SLCO3A1: variants seen among roughly 807,000 people sequenced by gnomAD.
SLCO3A1 encodes the protein PGE1 transporter.
Under a neutral mutation model 63.1 loss-of-function variants are expected in SLCO3A1, and 27 were observed. That is an observed-to-expected ratio of 0.43 (90% CI 0.32 to 0.59). The LOEUF is 0.59. Among genes scored for constraint, SLCO3A1 ranks in the 20% least tolerant of loss-of-function variants. The pLI, the probability that SLCO3A1 is intolerant of heterozygous loss-of-function variation, is 0.09. For synonymous variants in SLCO3A1, 473 were observed against 409.9 expected (o/e 1.15, Z -1.86); for missense variants, 773 against 945.8 (o/e 0.82, Z 2.40).
rs1016049327 is a variant in SLCO3A1 at position 91,875,675 on chromosome 15, C to T, written c.180+21587C>T. Among the ~76,000 whole-genome samples, 2 of 152,124 alleles carry T rather than the reference C, an allele frequency of 1.3e-5. 1 individual carries two copies. Among genetic ancestry groups the T allele is most frequent in the South Asian group, 4.1e-4 (2 of 4,830 alleles). On this transcript the variant is annotated intron_variant, in intron 1 of 9. Transcript: ENST00000318445. The surrounding 1 kb of genome is among the most constrained non-coding windows in gnomAD (Gnocchi z 4.5). ...CCGTGTTTTGCTTTGAAGGTTTTGC[C>T]GTAACTCACAATAGAGAAACACAGG...
At chr15:92,066,085 G>C (rs1252719215) in intron 2 of SLCO3A1, among the ~76,000 whole-genome samples, 1 of 152,238 alleles carries the variant, frequency 6.6e-6, no homozygotes, top group African/African-American at 2.4e-5. Flanking sequence ...AGAGTCTCCA[G>C]TGTGGGAGCA....
Position 91,863,585 on chromosome 15 carries a change from C to G in SLCO3A1, c.180+9497C>G, listed in dbSNP as rs1897097967. ...ACATCACACCATCCTCTTCTTGAAG[C>G]TATACATGCGTGGGGTGCACAGCAC... On this transcript the variant is annotated intron_variant, in intron 1 of 9. Transcript: ENST00000318445. The surrounding 1 kb of genome is among the most constrained non-coding windows in gnomAD (Gnocchi z 4.3). Among the ~76,000 whole-genome samples, 2 of 152,232 alleles carry G rather than the reference C, an allele frequency of 1.3e-5. No homozygotes were observed. The highest frequency in any genetic ancestry group is 2.1e-4 in the South Asian group (1 of 4,834).
At chr15:91,889,724 A>T (rs1343059893) in intron 1 of SLCO3A1, among the ~76,000 whole-genome samples, 1 of 152,242 alleles carries the variant, frequency 6.6e-6, no homozygotes, top group East Asian at 1.9e-4. Flanking sequence ...CCAGGCCATT[A>T]AGGTGAAAGT....
intron 2 of SLCO3A1, among the ~76,000 whole-genome samples, chr15:91,960,499 C>G (rs1358339443): frequency 6.6e-6 from 1 of 152,138 alleles, no homozygotes; most frequent in Non-Finnish European, 1.5e-5. Context: ...TACATCCAAG[C>G]CAGTTCCGGG....
At chr15:92,128,577 C>T in intron 7 of SLCO3A1, 88 bp downstream of exon 7, 2 of 1,219,324 alleles carry the variant, frequency 1.6e-6, no homozygotes, top group Non-Finnish European at 2.2e-6. Context: ...TGTTCGCCTT[C>T]CCTGTGACTT....
intron 2 of SLCO3A1, among the ~76,000 whole-genome samples, chr15:91,995,506 G>A (rs1353260494): frequency 6.6e-6 from 1 of 152,078 alleles, no homozygotes; most frequent in Non-Finnish European, 1.5e-5. Context: ...GTTTTGCAGT[G>A]GAAACTTAGT....
At chr15:91,991,191 A>G (rs2046121697) in intron 2 of SLCO3A1, among the ~76,000 whole-genome samples, 2 of 152,038 alleles carry the variant, frequency 1.3e-5, no homozygotes, top group Admixed American at 6.6e-5. Context: ...GTAGCATAGT[A>G]AGATTCTGTG....
intron 2 of SLCO3A1, among the ~76,000 whole-genome samples, chr15:91,939,291 A>C (rs1899530611): frequency 6.6e-6 from 1 of 152,132 alleles, no homozygotes; most frequent in Non-Finnish European, 1.5e-5. Flanking sequence ...GCTCATTATC[A>C]CAAGAACAGC....
At chr15:91,979,039 C>T (rs945405170) in intron 2 of SLCO3A1, among the ~76,000 whole-genome samples, 5 of 152,244 alleles carry the variant, frequency 3.3e-5, no homozygotes, top group Non-Finnish European at 7.3e-5. Flanking sequence ...TCATTTATGA[C>T]TTCAGACCTG....
intron 2 of SLCO3A1, among the ~76,000 whole-genome samples, chr15:92,037,694 T>A (rs1267811468): frequency 6.6e-6 from 1 of 152,248 alleles, no homozygotes; most frequent in African/African-American, 2.4e-5. Flanking sequence ...GCCAACTGTG[T>A]AATCCCCTGG....
chr15:92,048,918 G>A (rs1597259166), intron 2 of SLCO3A1, among the ~76,000 whole-genome samples: 3 of 152,182 alleles, frequency 2.0e-5, no homozygotes, highest in Admixed American at 2.0e-4. Context: ...TGTGAAGCAG[G>A]TTCTTTCACC....
intron 3 of SLCO3A1, among the ~76,000 whole-genome samples, chr15:92,095,371 C>A (rs1180933330): frequency 2.0e-5 from 3 of 152,170 alleles, no homozygotes; most frequent in Non-Finnish European, 2.9e-5. Flanking sequence ...TATGAGGATC[C>A]TACTTTCCAA....
At chr15:92,147,213 C>G in intron 8 of SLCO3A1, 54 bp downstream of exon 8, 2 of 1,543,024 alleles carry the variant, frequency 1.3e-6, no homozygotes, top group Non-Finnish European at 8.8e-7. Flanking sequence ...TGTTCATCTG[C>G]AGGCCTCCTA....
chr15:91,924,921 C>T (rs1345179545), intron 2 of SLCO3A1, among the ~76,000 whole-genome samples: 1 of 152,200 alleles, frequency 6.6e-6, no homozygotes, highest in African/African-American at 2.4e-5. Flanking sequence ...TGTGAAGAAA[C>T]TTTAGAACAT....
chr15:91,879,304 C>CTTTTTTATTTTTA (rs1567168185), intron 1 of SLCO3A1, among the ~76,000 whole-genome samples: 1 of 146,594 alleles, frequency 6.8e-6, no homozygotes, highest in Non-Finnish European at 1.5e-5. Flanking sequence ...TTTTTTCTGC[C>CTTTTTTATTTTTA]TTTTTTTTTT....
intron 2 of SLCO3A1, among the ~76,000 whole-genome samples, chr15:92,036,940 G>A (rs928806880): frequency 6.6e-6 from 1 of 152,266 alleles, no homozygotes; most frequent in East Asian, 1.9e-4. Flanking sequence ...AGGTTCTCCT[G>A]TTTCCTGGGA....
Position 91,860,155 on chromosome 15 carries a change from CT to C in SLCO3A1, c.180+6068del, listed in dbSNP as rs1897013295. 6.6e-6 allele frequency among the ~76,000 whole-genome samples: 1 copy of C among 152,204 alleles called. No individual in the cohort carries two copies. The highest frequency in any genetic ancestry group is 1.5e-5 in the Non-Finnish European group (1 of 68,042). ...GGAGGTTAAAGCAGGGCAGGCAGGA[CT>C]GGCTGGGCGGGGCAGGTACCCTGAT... On this transcript the variant is annotated intron_variant, in intron 1 of 9. Coordinates refer to ENST00000318445, the MANE Select transcript of SLCO3A1 (RefSeq NM_013272.4). The surrounding 1 kb of genome is among the most constrained non-coding windows in gnomAD (Gnocchi z 5.5).
chr15:91,953,414 G>A (rs912115185), intron 2 of SLCO3A1, among the ~76,000 whole-genome samples: 3 of 152,190 alleles, frequency 2.0e-5, no homozygotes, highest in African/African-American at 4.8e-5. Flanking sequence ...ACCACCAGAG[G>A]TGGTGAATGC....
intron 2 of SLCO3A1, among the ~76,000 whole-genome samples, chr15:92,026,650 T>C (rs1290001231): frequency 6.6e-6 from 1 of 152,192 alleles, no homozygotes; most frequent in Non-Finnish European, 1.5e-5. Context: ...GTTATTTATT[T>C]TAAAAAGCTA....
Sources: allele counts gnomAD v4.1 joint callset (sites outside exome capture counted in the v4.1 genomes callset), GRCh38; gene constraint gnomAD v4.1.1; non-coding constraint Gnocchi (gnomAD v3.1); transcripts MANE v1.5; gene names NCBI Gene and HGNC (gene_info 2026-07-23, HGNC 2026-07-21).